ABCA13: variants seen among roughly 807,000 people sequenced by gnomAD.
The protein encoded by ABCA13 is ATP binding cassette subfamily A member 13, also known as ATP-binding cassette sub-family A member 13.
A neutral mutation model predicts 478.7 loss-of-function variants in ABCA13; 476 were observed. The ratio of observed to expected loss-of-function variants is 0.99; its 90% CI spans 0.92 to 1.07. The LOEUF (loss-of-function observed/expected upper bound fraction) is 1.07. Among genes scored for constraint, ABCA13 ranks in the 50% least tolerant of loss-of-function variants. The probability of loss-of-function intolerance (pLI) is 0.00; values close to 1 mark genes in which losing one functional copy is unlikely to be tolerated. For synonymous variants in ABCA13, 2,252 were observed against 2,158.9 expected (o/e 1.04, Z -1.20); for missense variants, 6,060 against 5,910.6 (o/e 1.03, Z -0.83).
chr7:48,623,480 G>A (rs1306293279), intron 59 of ABCA13, among the ~76,000 whole-genome samples: 1 of 152,132 alleles, frequency 6.6e-6, no homozygotes, highest in African/African-American at 2.4e-5. Context: ...TCACAGTCAA[G>A]AGCAGTTAAT....
chr7:48,454,992 T>G, intron 42 of ABCA13, 45 bp from the exon 43 acceptor site: 7 of 1,441,078 alleles, frequency 4.9e-6, no homozygotes, highest in Non-Finnish European at 5.5e-6. Context: ...CGCTGTCACC[T>G]CCGCAGAGCT....
intron 59 of ABCA13, among the ~76,000 whole-genome samples, chr7:48,631,470 C>G (rs1373816592): frequency 2.0e-5 from 3 of 151,866 alleles, no homozygotes; most frequent in Non-Finnish European, 2.9e-5. Flanking sequence ...TGTAGGTGTA[C>G]AATTTTATTT....
intron 10 of ABCA13, among the ~76,000 whole-genome samples, chr7:48,241,613 G>A (rs1790844629): frequency 1.3e-5 from 2 of 152,194 alleles, no homozygotes; most frequent in Admixed American, 1.3e-4. Flanking sequence ...AGGTGTGGCA[G>A]TTTGTAGTAA....
At chr7:48,293,195 C>A (rs1016775413) in intron 20 of ABCA13, among the ~76,000 whole-genome samples, 3 of 130,892 alleles carry the variant, frequency 2.3e-5, no homozygotes, top group African/African-American at 5.3e-5. Context: ...GTCTTCAGCC[C>A]CCCCCCCGCC....
intron 8 of ABCA13, among the ~76,000 whole-genome samples, chr7:48,238,093 G>A (rs577764340): frequency 2.2e-4 from 34 of 152,272 alleles, no homozygotes; most frequent in African/African-American, 7.9e-4. Context: ...GTCAATTCAG[G>A]CTGTTATAAC....
chr7:48,363,631 G>T (rs1811225006), intron 31 of ABCA13, among the ~76,000 whole-genome samples: 1 of 151,936 alleles, frequency 6.6e-6, no homozygotes, highest in African/African-American at 2.4e-5. Context: ...CTCTATTCCT[G>T]TTTCCTTTAG....
intron 41 of ABCA13, among the ~76,000 whole-genome samples, chr7:48,427,212 A>T (rs1821546448): frequency 6.6e-6 from 1 of 152,156 alleles, no homozygotes; most frequent in Non-Finnish European, 1.5e-5. Flanking sequence ...TTTGGCTTTG[A>T]ATAAACTGAG....
chr7:48,401,586 C>G (rs925771139), intron 38 of ABCA13, among the ~76,000 whole-genome samples: 1 of 152,138 alleles, frequency 6.6e-6, no homozygotes, highest in East Asian at 1.9e-4. Flanking sequence ...TTTGATGCCC[C>G]TACCTTTATA....
At chr7:48,606,181 T>C (rs886190036) in intron 58 of ABCA13, among the ~76,000 whole-genome samples, 10 of 152,224 alleles carry the variant, frequency 6.6e-5, no homozygotes, top group Non-Finnish European at 1.3e-4. Context: ...TCGGAGGAGT[T>C]TGTGATTACC....
In ABCA13 at chr7:48,276,432, T is replaced by A; in HGVS notation, c.6766T>A (p.Ser2256Thr). The change falls in exon 17 of 62, where the codon TCT becomes ACT. Residue 2256 changes from serine to threonine, a missense_variant. By Grantham distance (58) the Ser-to-Thr change is moderately conservative. This residue lies in a region of ABCA13 where 4,423 missense variants were observed against 4,309.1 expected (regional missense o/e 1.03). Transcript: ENST00000435803. ...AGAAACTAGTAGGAAAACAGTTCTC[T>A]CTCTGAGAAGCATAGTAGATTTCAC... ...QSETSRKTVL[S>T]LRSIVDFTEQ... 6.4e-7 allele frequency: 1 copy of A among 1,574,324 alleles called. No homozygotes were observed. Among genetic ancestry groups the A allele is most frequent in the African/African-American group, 1.4e-5 (1 of 73,606 alleles).
intron 38 of ABCA13, among the ~76,000 whole-genome samples, chr7:48,403,451 A>G (rs1200812718): frequency 1.3e-5 from 2 of 152,246 alleles, no homozygotes; most frequent in Non-Finnish European, 2.9e-5. Context: ...AATTCTGGGC[A>G]GATATTGCTG....
At chr7:48,335,872 A>G (rs529670395) in intron 28 of ABCA13, among the ~76,000 whole-genome samples, 1 of 152,264 alleles carries the variant, frequency 6.6e-6, no homozygotes, top group Admixed American at 6.5e-5. Flanking sequence ...CATATTCTGT[A>G]TTGATAACTT....
Position 48,279,931 on chromosome 7 carries a change from A to G in ABCA13, c.8726+11A>G. The G allele has an allele frequency of 1.3e-6, 2 of 1,504,356 alleles. No individual in the cohort carries two copies. Among genetic ancestry groups the G allele is most frequent in the Non-Finnish European group, 1.8e-6 (2 of 1,129,740 alleles). 93.2% of individuals were successfully genotyped at this position (1,504,356 alleles called of 1,614,324 possible). ...ACTAACAGATCAAAGGTAATTAAAAAGCTGAATTCACTTTGTTTTTTTCTC... is the reference window on the plus strand; with the variant it reads ...ACTAACAGATCAAAGGTAATTAAAAGGCTGAATTCACTTTGTTTTTTTCTC... On this transcript the variant is annotated intron_variant, in intron 18 of 61. Coordinates refer to ENST00000435803, the MANE Select transcript of ABCA13 (RefSeq NM_152701.5).
intron 10 of ABCA13, among the ~76,000 whole-genome samples, 155 bp downstream of exon 10, chr7:48,241,221 A>G (rs1253831232): frequency 2.6e-5 from 4 of 152,226 alleles, no homozygotes; most frequent in Admixed American, 6.5e-5. Flanking sequence ...TTCATTGTGG[A>G]CCATCACCAG....
At chr7:48,473,261 G>C (rs977404660) in intron 45 of ABCA13, among the ~76,000 whole-genome samples, 3 of 152,098 alleles carry the variant, frequency 2.0e-5, no homozygotes, top group Admixed American at 6.5e-5. Flanking sequence ...CCTGGCCCAG[G>C]CTAGCTCTTC....
chr7:48,348,610 C>T (rs997581757), intron 29 of ABCA13, among the ~76,000 whole-genome samples: 2 of 152,202 alleles, frequency 1.3e-5, no homozygotes, highest in African/African-American at 2.4e-5. Flanking sequence ...AGGAGGATTT[C>T]TATGAGATGT....
intron 23 of ABCA13, among the ~76,000 whole-genome samples, chr7:48,306,109 T>C (rs1025739060): frequency 6.6e-6 from 1 of 152,052 alleles, no homozygotes; most frequent in East Asian, 1.9e-4. Context: ...AAAAGATAAA[T>C]AGTAATATTT....
intron 19 of ABCA13, among the ~76,000 whole-genome samples, chr7:48,282,785 G>C (rs538591056): frequency 1.6e-4 from 24 of 152,254 alleles, no homozygotes; most frequent in African/African-American, 4.8e-4. Flanking sequence ...TTAGCTCCTT[G>C]TTATGGCTCT....
chr7:48,372,221 G>C lies in ABCA13; in HGVS notation c.10857G>C (p.Leu3619=), dbSNP rs758166795. ...HPVIHFLAWF[L]ENMAVLTISS... is the part of the protein sequence containing the mutation. ...TGATCCATTTCCTGGCCTGGTTCCTGGAGAACATGGCTGTGTTGACCATAA... is the reference window on the plus strand; with the variant it reads ...TGATCCATTTCCTGGCCTGGTTCCTCGAGAACATGGCTGTGTTGACCATAA... Residue 3619 remains leucine (L), a synonymous_variant, in exon 33 of 62, where the codon CTG becomes CTC. Coordinates refer to ENST00000435803, the MANE Select transcript of ABCA13 (RefSeq NM_152701.5). 1.2e-6 allele frequency: 2 copies of C among 1,613,808 alleles called. No homozygotes were observed. The highest frequency in any genetic ancestry group is 2.2e-5 in the South Asian group (2 of 91,076).
Sources: gnomAD v4.1 joint callset for allele counts (sites outside exome capture counted in the v4.1 genomes callset) on GRCh38, gnomAD v4.1.1 for gene constraint, gnomAD v4.1.1 regional missense constraint, MANE v1.5 for transcripts, NCBI Gene and HGNC (gene_info 2026-07-23, HGNC 2026-07-21) for gene names.